TMEM196: variants seen among roughly 807,000 people sequenced by gnomAD.
The protein encoded by TMEM196 is transmembrane protein 196.
TMEM196 carries 17 observed loss-of-function variants against 20.0 expected under a neutral mutation model. The ratio of observed to expected loss-of-function variants is 0.85; its 90% CI spans 0.58 to 1.27. TMEM196 has a LOEUF of 1.27. Among genes scored for constraint, TMEM196 ranks in the 50% most tolerant of loss-of-function variants. The pLI is 0.00. For missense variants in TMEM196, 267 were observed against 223.0 expected (o/e 1.20, Z -1.26); for synonymous variants, 113 against 88.9 (o/e 1.27, Z -1.52).
chr7:19,759,168 T>C (rs1785331498), intron 1 of TMEM196, among the ~76,000 whole-genome samples: 1 of 152,160 alleles, frequency 6.6e-6, no homozygotes, highest in Non-Finnish European at 1.5e-5. Flanking sequence ...GTCTAGATTC[T>C]CAATTCTCAT....
intron 1 of TMEM196, among the ~76,000 whole-genome samples, chr7:19,755,954 G>T (rs1291502270): frequency 6.6e-6 from 1 of 151,896 alleles, no homozygotes; most frequent in African/African-American, 2.4e-5. Flanking sequence ...GCTTGAACCT[G>T]GTGGGCAGAG....
chr7:19,759,042 G>A (rs1314407135), intron 1 of TMEM196, among the ~76,000 whole-genome samples: 1 of 151,964 alleles, frequency 6.6e-6, no homozygotes, highest in Admixed American at 6.6e-5. Context: ...ACATTGGCAT[G>A]TAAACATGTT....
At chr7:19,735,732 A>G (rs1023293844) in intron 1 of TMEM196, among the ~76,000 whole-genome samples, 1 of 152,170 alleles carries the variant, frequency 6.6e-6, no homozygotes, top group East Asian at 1.9e-4. Context: ...TGATAGGATT[A>G]TAAAAGATGA....
intron 1 of TMEM196, among the ~76,000 whole-genome samples, chr7:19,753,701 T>C (rs1785082176): frequency 6.6e-6 from 1 of 152,310 alleles, no homozygotes; most frequent in Middle Eastern, 3.4e-3. Context: ...TTTTTGTACC[T>C]GTTCATTTCT....
intron 1 of TMEM196, among the ~76,000 whole-genome samples, chr7:19,743,795 T>C (rs186268183): frequency 1.3e-5 from 2 of 152,296 alleles, no homozygotes; most frequent in Admixed American, 6.5e-5. Flanking sequence ...CAATTTGATT[T>C]GCCACAGAGT....
At chr7:19,769,487 C>G (rs536389098) in intron 1 of TMEM196, among the ~76,000 whole-genome samples, 84 of 152,194 alleles carry the variant, frequency 5.5e-4, no homozygotes, top group Non-Finnish European at 1.1e-3. Flanking sequence ...CACAACCCAA[C>G]CTGTCCCAGT....
intron 4 of TMEM196, 140 bp downstream of exon 4, chr7:19,724,140 C>G (rs977496851): frequency 2.7e-6 from 2 of 749,552 alleles, no homozygotes; most frequent in Non-Finnish European, 4.4e-6. Context: ...GCAAAGTAAG[C>G]GCTTACGAAA....
At chr7:19,746,002 C>A (rs1234859023) in intron 1 of TMEM196, among the ~76,000 whole-genome samples, 1 of 152,026 alleles carries the variant, frequency 6.6e-6, no homozygotes. Context: ...GTGAGATACA[C>A]AGAAGAACTA....
chr7:19,764,074 A>C (rs1013106364), intron 1 of TMEM196, among the ~76,000 whole-genome samples: 2 of 152,216 alleles, frequency 1.3e-5, no homozygotes, highest in African/African-American at 2.4e-5. Context: ...TTCACTGAAC[A>C]TAAGAAACTT....
At chr7:19,759,379 T>C (rs892058809) in intron 1 of TMEM196, among the ~76,000 whole-genome samples, 4 of 152,198 alleles carry the variant, frequency 2.6e-5, no homozygotes, top group Non-Finnish European at 5.9e-5. Context: ...TGGTTCCTCA[T>C]TTCTATCCAT....
intron 1 of TMEM196, among the ~76,000 whole-genome samples, chr7:19,741,964 A>T (rs992203887): frequency 6.6e-6 from 1 of 152,090 alleles, no homozygotes; most frequent in Non-Finnish European, 1.5e-5. Context: ...AGATGCTATT[A>T]CCTGCTATTG....
chr7:19,768,936 G>T (rs987613800), intron 1 of TMEM196, among the ~76,000 whole-genome samples: 1 of 151,492 alleles, frequency 6.6e-6, no homozygotes, highest in Admixed American at 6.6e-5. Flanking sequence ...TTCCATATTC[G>T]GGGCCAAAAA....
chr7:19,756,276 C>G (rs550326617), intron 1 of TMEM196, among the ~76,000 whole-genome samples: 30 of 151,144 alleles, frequency 2.0e-4, no homozygotes, highest in Non-Finnish European at 1.0e-4. Context: ...CAACATAAAA[C>G]GACTTGAGAC....
intron 1 of TMEM196, among the ~76,000 whole-genome samples, chr7:19,765,048 TTAAA>T (rs1352488321): frequency 6.6e-6 from 1 of 152,212 alleles, no homozygotes; most frequent in Non-Finnish European, 1.5e-5. Context: ...ATTAAATTAC[TTAAA>T]TAAGTAAGTT....
intron 1 of TMEM196, among the ~76,000 whole-genome samples, chr7:19,767,134 A>G (rs1785663767): frequency 6.6e-6 from 1 of 152,126 alleles, no homozygotes; most frequent in Non-Finnish European, 1.5e-5. Context: ...TTGGATAGAA[A>G]TTCCAGTATG....
At chr7:19,749,514 A>C (rs139549090) in intron 1 of TMEM196, among the ~76,000 whole-genome samples, 5 of 152,104 alleles carry the variant, frequency 3.3e-5, no homozygotes, top group African/African-American at 1.2e-4. Flanking sequence ...AATGTCCTGG[A>C]AAGTTCTGCT....
At chr7:19,722,685 A>G (rs1349174309) in intron 4 of TMEM196, among the ~76,000 whole-genome samples, 1 of 152,228 alleles carries the variant, frequency 6.6e-6, no homozygotes, top group African/African-American at 2.4e-5. Context: ...AAGCAAAAAC[A>G]GTGAAGTCTC....
chr7:19,724,287 G>T lies in TMEM196; in HGVS notation c.526C>A (p.Pro176Thr), dbSNP rs1487380789. 1 of 1,550,330 alleles carries T rather than the reference G, an allele frequency of 6.5e-7. No homozygotes were observed. Among genetic ancestry groups the T allele is most frequent in the African/African-American group, 1.4e-5 (1 of 73,106 alleles). ...CPVVPPTPEL[P>T]TRK is the part of the protein sequence containing the mutation. ...CCCTAGAAATCAGCGTACCTTGTAG[G>T]TAACTCTGGTGTCGGGGGCACCACC... Residue 176 changes from proline (P) to threonine (T), a missense_variant, in exon 4 of 5, where the codon CCT becomes ACT. Pro to Thr is a conservative substitution (Grantham distance 38). Coordinates refer to ENST00000405844, the MANE Select transcript of TMEM196 (RefSeq NM_001363562.2).
intron 1 of TMEM196, 41 bp downstream of exon 1, chr7:19,772,505 AAGAG>A (rs1352702884): frequency 4.9e-5 from 74 of 1,496,614 alleles, no homozygotes; most frequent in Non-Finnish European, 5.8e-5. Context: ...TAAAGAGGTA[AAGAG>A]AGAGTGAAAT....
Sources: allele counts gnomAD v4.1 joint callset (sites outside exome capture counted in the v4.1 genomes callset), GRCh38; gene constraint gnomAD v4.1.1; transcripts MANE v1.5; gene names NCBI Gene and HGNC (gene_info 2026-07-23, HGNC 2026-07-21).